Variants in VWDE observed in about 807,000 individuals in gnomAD.
The protein encoded by VWDE is von Willebrand factor D and EGF domains.
A neutral mutation model predicts 178.4 loss-of-function variants in VWDE; 207 were observed. The observed-to-expected ratio is 1.16, with a 90% CI of 1.04 to 1.30. The LOEUF (loss-of-function observed/expected upper bound fraction) is 1.30, where lower values mean the gene tolerates loss of function less well. Ranked by LOEUF, VWDE falls within the 50% of genes most tolerant of loss-of-function variation. The pLI is 0.00. For synonymous variants in VWDE, 738 were observed against 651.4 expected, an observed-to-expected ratio of 1.13 and a Z score of -2.02; for missense variants, 2,287 against 1,901.3, an observed-to-expected ratio of 1.20 and a Z score of -3.77.
intron 26 of VWDE, 69 bp from the exon 27 acceptor site, chr7:12,336,305 A>G: frequency 7.7e-7 from 1 of 1,299,772 alleles, no homozygotes. Context: ...AACCCACAAA[A>G]CTTTTCATTA....
chr7:12,359,795 G>T, intron 15 of VWDE, 103 bp from the exon 16 acceptor site: 1 of 645,352 alleles, frequency 1.5e-6, no homozygotes, highest in Non-Finnish European at 2.7e-6. Flanking sequence ...TCCAACGAAA[G>T]CACATACATC....
intron 5 of VWDE, among the ~76,000 whole-genome samples, 169 bp downstream of exon 5, chr7:12,380,308 ACTGACTCCT>A (rs1783772606): frequency 6.6e-6 from 1 of 151,514 alleles, no homozygotes; most frequent in African/African-American, 2.4e-5. Flanking sequence ...CACTAAGATC[ACTGACTCCT>A]CCAGTTATCA....
rs1197379946 is a variant in VWDE, at chr7:12,380,468, A to G, written c.789+18T>C. 2 of 1,539,540 alleles carry G rather than the reference A, an allele frequency of 1.3e-6. No individual in the cohort carries two copies. The highest frequency in any genetic ancestry group is 4.9e-5 in the East Asian group (2 of 40,818). On this transcript the variant is annotated intron_variant, in intron 5 of 28. Coordinates refer to ENST00000275358, the MANE Select transcript of VWDE (RefSeq NM_001135924.3). ...CAATACATTCATGAAAATAAAATGCAACTGTTTTTTAACATACCCTGTCTC... is the reference window on the plus strand; with the variant it reads ...CAATACATTCATGAAAATAAAATGCGACTGTTTTTTAACATACCCTGTCTC...
In VWDE at chr7:12,383,564, A is replaced by C. The variant is rs1190667904; in HGVS notation, c.513T>G (p.Asp171Glu). Residue 171 changes from aspartate to glutamate, a missense_variant, in exon 4 of 29, where the codon GAT (aspartate) becomes GAG (glutamate). Asp to Glu is a conservative substitution (Grantham distance 45, BLOSUM62 2). Transcript: ENST00000275358. ...CACAATCACCTCCTGTTTCAGTTTCATCAGAACCACATGGGTGTAATCGTG... is the reference window on the plus strand; with the variant it reads ...CACAATCACCTCCTGTTTCAGTTTCCTCAGAACCACATGGGTGTAATCGTG... The part of the protein sequence containing the change: ...SDARLHPCGS[D>E]ETETGGDCVR... 3 of 1,550,504 alleles carry C rather than the reference A, an allele frequency of 1.9e-6. No individual in the cohort carries two copies. Among genetic ancestry groups the C allele is most frequent in the East Asian group, 4.9e-5 (2 of 40,860 alleles).
At position 12,369,434 on chromosome 7, in the gene VWDE, C is replaced by T. The variant is rs57304050; in HGVS notation, c.2761+111G>A. 3.1e-3 allele frequency: 4,135 copies of T among 1,319,150 alleles called. 102 individuals carry two copies. The African/African-American group carries it at 0.055, about 18-fold the overall frequency. The allele number at this position is 1,319,150 out of a possible 1,614,324, so 81.7% of individuals were successfully genotyped here. ...CATTAATATGATTTGGAGGTTTTCTCTATAAAATCTGAATAAACACTGTTA... is the reference window on the plus strand; with the variant it reads ...CATTAATATGATTTGGAGGTTTTCTTTATAAAATCTGAATAAACACTGTTA... On this transcript the variant is annotated intron_variant, in intron 12 of 28. Transcript: ENST00000275358.
Position 12,389,281 on chromosome 7 carries a change from G to C in VWDE, c.321C>G (p.Ile107Met), listed in dbSNP as rs1784259774. The C allele has an allele frequency of 6.4e-7, 1 of 1,551,660 alleles. No homozygotes were observed. ...DSETLPSPGE[I>M]KQLTACATWQ... The stretch of plus-strand genomic sequence containing the variant: ...ATGTTGCACAAGCTGTCAATTGCTT[G>C]ATCTCCCCAGGAGATGGCAGTGTTT... Residue 107 changes from isoleucine (I) to methionine (M), a missense_variant, in exon 3 of 29, where the codon ATC becomes ATG. By Grantham distance (10) the Ile-to-Met change is conservative (BLOSUM62 1). Coordinates refer to ENST00000275358, the MANE Select transcript of VWDE (RefSeq NM_001135924.3).
intron 1 of VWDE, among the ~76,000 whole-genome samples, chr7:12,396,604 TGGATTAGAA>T (rs1194583929): frequency 6.6e-6 from 1 of 152,088 alleles, no homozygotes; most frequent in Non-Finnish European, 1.5e-5. Context: ...TCCATACTCA[TGGATTAGAA>T]GAATCCATTG....
At chr7:12,398,665 C>T (rs770466066) in intron 1 of VWDE, among the ~76,000 whole-genome samples, 1 of 152,072 alleles carries the variant, frequency 6.6e-6, no homozygotes, top group Non-Finnish European at 1.5e-5. Flanking sequence ...GTAGACTAAA[C>T]CCCTGGCATT....
intron 19 of VWDE, among the ~76,000 whole-genome samples, chr7:12,347,050 T>A (rs1376948021): frequency 6.6e-6 from 1 of 152,082 alleles, no homozygotes; most frequent in African/African-American, 2.4e-5. Flanking sequence ...GTGCACCAAA[T>A]ATAGCCCCAA....
rs1220657535 is a variant in VWDE, at chr7:12,335,324, T to C, written c.4654+817A>G. On this transcript the variant is annotated intron_variant, in intron 27 of 28. Transcript: ENST00000275358. The stretch of plus-strand genomic sequence containing the variant: ...TTTCAAAATTGCATGAAATTTGATC[T>C]TCCTCTACATCTTAAGATTTCATCT... Among the ~76,000 whole-genome samples, 3 of 152,344 alleles carry C rather than the reference T, an allele frequency of 2.0e-5. No individual in the cohort carries two copies. The East Asian group carries it at 5.8e-4, about 29-fold the overall frequency.
Position 12,403,814 on chromosome 7 carries a change from A to G in VWDE, c.-98T>C. The G allele has an allele frequency of 7.6e-7, 1 of 1,316,184 alleles. No homozygotes were observed. The allele number at this position is 1,316,184 out of a possible 1,614,324, so 81.5% of individuals were successfully genotyped here. Reference sequence around the variant, plus strand: ...CAGCCCCTCGGGCCTCCTTTCTTGGATTTTCTCAGTCTGTTGCTGCTTGGA... The same window carrying G: ...CAGCCCCTCGGGCCTCCTTTCTTGGGTTTTCTCAGTCTGTTGCTGCTTGGA... On this transcript the variant is annotated 5_prime_UTR_variant, in exon 1 of 29. Transcript: ENST00000275358.
chr7:12,369,519 A>G lies in VWDE; in HGVS notation c.2761+26T>C, dbSNP rs562343627. The G allele has an allele frequency of 3.4e-6, 5 of 1,488,628 alleles. No homozygotes were observed. The African/African-American group carries it at 7.0e-5, about 21-fold the overall frequency. The allele number at this position is 1,488,628 out of a possible 1,614,324, so 92.2% of individuals were successfully genotyped here. A position where few individuals can be genotyped will look rare whatever the true frequency, so the allele number is the denominator to read the frequency against. On this transcript the variant is annotated intron_variant, in intron 12 of 28. Coordinates refer to ENST00000275358, the MANE Select transcript of VWDE (RefSeq NM_001135924.3). ...TTTATAATGAAATATCACATGCAAT[A>G]TCAAACTTTGAGAGTACTTACTTAC...
At chr7:12,377,626 C>T (rs1228930878) in intron 7 of VWDE, 150 bp downstream of exon 7, 5 of 428,702 alleles carry the variant, frequency 1.2e-5, no homozygotes, top group African/African-American at 8.2e-5. Context: ...TCAGTTTGGC[C>T]GAGTATTAGT....
rs1781006189 is a variant in VWDE, at chr7:12,336,052, C to T, written c.4654+89G>A. The T allele has an allele frequency of 4.2e-6, 5 of 1,180,234 alleles. No homozygotes were observed. In the African/African-American group the frequency reaches 4.8e-5, roughly 11 times the overall value. The allele number at this position is 1,180,234 out of a possible 1,614,324, so 73.1% of individuals were successfully genotyped here. ...ATCAGCATGCTGGAGTTTTTTCCCCCTTATGGACTTGTCCTAAAGCTATAC... is the reference window on the plus strand; with the variant it reads ...ATCAGCATGCTGGAGTTTTTTCCCCTTTATGGACTTGTCCTAAAGCTATAC... On this transcript the variant is annotated intron_variant, in intron 27 of 28. Coordinates refer to ENST00000275358, the MANE Select transcript of VWDE (RefSeq NM_001135924.3).
At chr7:12,382,127 C>T (rs10499424) in intron 4 of VWDE, among the ~76,000 whole-genome samples, 2,544 of 151,690 alleles carry the variant, frequency 0.017, 146 homozygotes, top group East Asian at 0.13. Flanking sequence ...TGACTTTTGA[C>T]TCAATACTTT....
intron 2 of VWDE, among the ~76,000 whole-genome samples, chr7:12,391,467 G>C (rs1421769423): frequency 6.6e-6 from 1 of 152,094 alleles, no homozygotes; most frequent in East Asian, 1.9e-4. Flanking sequence ...AAACAGCCAA[G>C]GAAACTGTTT....
At chr7:12,374,911 CA>C in intron 8 of VWDE, 98 bp downstream of exon 8, 2 of 1,274,494 alleles carry the variant, frequency 1.6e-6, no homozygotes, top group Non-Finnish European at 1.1e-6. Flanking sequence ...ACTAATTTAC[CA>C]AAAAATTTTT....
At position 12,342,173 on chromosome 7, in the gene VWDE, G is replaced by C. The variant is rs778570926; in HGVS notation, c.4175-19C>G. The C allele has an allele frequency of 6.5e-7, 1 of 1,547,260 alleles. No individual in the cohort carries two copies. Among genetic ancestry groups the C allele is most frequent in the South Asian group, 1.2e-5 (1 of 83,766 alleles). On this transcript the variant is annotated intron_variant, in intron 22 of 28. Transcript: ENST00000275358. ...CAAACCACTGAGATCATAGAATAAA[G>C]AGAAAAGAAAGATTAGGCTTGGAGT...
Position 12,403,579 on chromosome 7 carries a change from T to C in VWDE, c.58+80A>G, listed in dbSNP as rs945649983. 1.4e-5 allele frequency: 19 copies of C among 1,376,678 alleles called. No individual in the cohort carries two copies. The African/African-American group carries it at 2.6e-4, about 19-fold the overall frequency. 85.3% of individuals were successfully genotyped at this position (1,376,678 alleles called of 1,614,324 possible). On this transcript the variant is annotated intron_variant, in intron 1 of 28. Transcript: ENST00000275358. ...ACGCACAGGGACGCTCCCCAAGTCG[T>C]CCAAAAAGTCTAGCCTAGTCCCTCT...
Sources: allele counts gnomAD v4.1 joint callset (sites outside exome capture counted in the v4.1 genomes callset), GRCh38; gene constraint gnomAD v4.1.1; transcripts MANE v1.5; gene names NCBI Gene and HGNC (gene_info 2026-07-23, HGNC 2026-07-21).